Variants in ENTPD1 observed in about 807,000 individuals in gnomAD.
ENTPD1 encodes ATP diphosphohydrolase.
A neutral mutation model predicts 57.0 loss-of-function variants in ENTPD1; 33 were observed. The observed-to-expected ratio is 0.58, with a 90% CI of 0.44 to 0.77. ENTPD1 has a LOEUF of 0.77. ENTPD1 is among the 30% of genes least tolerant of loss of function. ENTPD1 has a pLI of 0.00. For missense variants in ENTPD1, 501 were observed against 603.4 expected (o/e 0.83, Z 1.78); for synonymous variants, 202 against 218.8 (o/e 0.92, Z 0.68).
chr10:95,872,028 G>A lies in ENTPD1; in HGVS notation c.*5645G>A, dbSNP rs2098481034. ...TGATTAATGCCACCCCTGCCTCAAT[G>A]AACCAAGATCAGCTCCATCACTGGG... On this transcript the variant is annotated 3_prime_UTR_variant, in exon 10 of 10. Coordinates refer to ENST00000371205, the MANE Select transcript of ENTPD1 (RefSeq NM_001776.6). 1.0e-6 allele frequency: 1 copy of A among 985,242 alleles called. No homozygotes were observed. The highest frequency in any genetic ancestry group is 1.7e-5 in the African/African-American group (1 of 57,206). 61.0% of individuals were successfully genotyped at this position (985,242 alleles called of 1,614,324 possible).
chr10:95,853,690 C>T (rs1025041970), intron 7 of ENTPD1, among the ~76,000 whole-genome samples: 11 of 152,164 alleles, frequency 7.2e-5, no homozygotes, highest in Admixed American at 2.0e-4. Flanking sequence ...TTGAGATAAT[C>T]ATGTGGCTTT....
intron 1 of ENTPD1, among the ~76,000 whole-genome samples, chr10:95,804,712 T>C (rs907929591): frequency 6.6e-6 from 1 of 152,228 alleles, no homozygotes; most frequent in Admixed American, 6.5e-5. Flanking sequence ...CTTCCAACAC[T>C]ATGTTGAATA....
intron 1 of ENTPD1, among the ~76,000 whole-genome samples, chr10:95,774,770 T>C (rs369962748): frequency 2.0e-5 from 3 of 152,266 alleles, no homozygotes; most frequent in South Asian, 2.1e-4. Context: ...AGTGTGATGC[T>C]TCCAGCTTTG....
intron 1 of ENTPD1, among the ~76,000 whole-genome samples, chr10:95,784,539 C>T (rs1566144315): frequency 6.6e-6 from 1 of 152,150 alleles, no homozygotes; most frequent in Non-Finnish European, 1.5e-5. Context: ...CACCCCAAGA[C>T]CTTGTGGACC....
intron 1 of ENTPD1, among the ~76,000 whole-genome samples, chr10:95,778,105 T>C (rs1589788775): frequency 6.6e-6 from 1 of 152,176 alleles, no homozygotes; most frequent in Non-Finnish European, 1.5e-5. Context: ...GCTTTCCAGG[T>C]GAGGTGATGT....
At chr10:95,747,219 A>T (rs565032216) in intron 1 of ENTPD1, among the ~76,000 whole-genome samples, 2 of 152,356 alleles carry the variant, frequency 1.3e-5, no homozygotes, top group African/African-American at 4.8e-5. Flanking sequence ...GACCATGAGC[A>T]TCATAATATT....
rs895402892 is a variant in ENTPD1 at position 95,867,207 on chromosome 10, A to C, written c.*824A>C. 1.0e-6 allele frequency: 1 copy of C among 982,282 alleles called. No homozygotes were observed. The highest frequency in any genetic ancestry group is 1.2e-6 in the Non-Finnish European group (1 of 826,996). The allele number at this position is 982,282 out of a possible 1,614,324, so 60.8% of individuals were successfully genotyped here. Reference sequence around the variant, plus strand: ...GCATCTTCCAATGCATATTTTTATTATGGTAAAATATACATAAATATAATT... The same window carrying C: ...GCATCTTCCAATGCATATTTTTATTCTGGTAAAATATACATAAATATAATT... On this transcript the variant is annotated 3_prime_UTR_variant, in exon 10 of 10. Coordinates refer to ENST00000371205, the MANE Select transcript of ENTPD1 (RefSeq NM_001776.6).
At chr10:95,792,009 C>T (rs532913402) in intron 1 of ENTPD1, among the ~76,000 whole-genome samples, 1 of 151,886 alleles carries the variant, frequency 6.6e-6, no homozygotes, top group Admixed American at 6.6e-5. Context: ...TTAAGAGAGA[C>T]TAAAAGTGCC....
the ENTPD1 span, among the ~76,000 whole-genome samples, chr10:95,701,645 A>T: frequency 2.0e-5 from 3 of 152,196 alleles, no homozygotes; most frequent in Non-Finnish European, 4.4e-5. Context: ...TTTCAATCAT[A>T]CTTGGAGCAT....
At chr10:95,736,339 A>G (rs1017543104) in intron 1 of ENTPD1, among the ~76,000 whole-genome samples, 4 of 152,144 alleles carry the variant, frequency 2.6e-5, no homozygotes, top group Non-Finnish European at 4.4e-5. Context: ...TGTGTGACCA[A>G]TTCGTGTGCT....
At chr10:95,774,433 A>G (rs1040140545) in intron 1 of ENTPD1, among the ~76,000 whole-genome samples, 2 of 152,168 alleles carry the variant, frequency 1.3e-5, no homozygotes, top group Non-Finnish European at 2.9e-5. Flanking sequence ...GGCATTGCCT[A>G]GGTTTTCTTC....
upstream of ENTPD1, chr10:95,755,834 G>C: frequency 6.6e-7 from 1 of 1,512,646 alleles, no homozygotes; most frequent in Non-Finnish European, 8.9e-7. Flanking sequence ...TTGCAGCTGA[G>C]ATGACTTTTT....
At chr10:95,784,486 G>A (rs555966587) in intron 1 of ENTPD1, among the ~76,000 whole-genome samples, 2 of 152,220 alleles carry the variant, frequency 1.3e-5, no homozygotes, top group African/African-American at 4.8e-5. Flanking sequence ...TAACTGTAGA[G>A]TGTGAAGGCC....
chr10:95,795,595 A>G (rs756119808), intron 1 of ENTPD1, among the ~76,000 whole-genome samples: 9 of 152,168 alleles, frequency 5.9e-5, no homozygotes, highest in Non-Finnish European at 1.0e-4. Context: ...ATTTTTTCAT[A>G]CAGAGCTCAC....
At chr10:95,784,105 T>C (rs2083126947) in intron 1 of ENTPD1, among the ~76,000 whole-genome samples, 1 of 149,714 alleles carries the variant, frequency 6.7e-6, no homozygotes, top group African/African-American at 2.4e-5. Flanking sequence ...GCTTGTTCTT[T>C]TTTTTTTTTT....
intron 1 of ENTPD1, among the ~76,000 whole-genome samples, chr10:95,728,020 A>C (rs2139843139): frequency 6.6e-6 from 1 of 152,342 alleles, no homozygotes; most frequent in Admixed American, 6.5e-5. Flanking sequence ...TTGTAGTTTT[A>C]GTTATTACAA....
chr10:95,847,478 C>T lies in ENTPD1; in HGVS notation c.846C>T (p.Cys282=). ...GTAATGAAATTCTCAGGGACCCATG[C>T]TTTCATCCTGGATATAAGAAGGTAG... ...VASNEILRDP[C]FHPGYKKVVN... The change falls in exon 7 of 10, where the codon TGC becomes TGT. Residue 282 remains cysteine (C), a synonymous_variant. Coordinates refer to ENST00000371205, the MANE Select transcript of ENTPD1 (RefSeq NM_001776.6). 4 of 1,614,138 alleles carry T rather than the reference C, an allele frequency of 2.5e-6. No homozygotes were observed. Among genetic ancestry groups the T allele is most frequent in the Non-Finnish European group, 3.4e-6 (4 of 1,180,016 alleles).
At chr10:95,699,284 C>G in the ENTPD1 span, among the ~76,000 whole-genome samples, 49 of 152,162 alleles carry the variant, frequency 3.2e-4, no homozygotes, top group Admixed American at 1.2e-3. Flanking sequence ...AGAGAGGAAT[C>G]AACTAGGAAT....
At chr10:95,750,645 A>G (rs1397951628) in intron 1 of ENTPD1, among the ~76,000 whole-genome samples, 1 of 152,202 alleles carries the variant, frequency 6.6e-6, no homozygotes, top group Non-Finnish European at 1.5e-5. Flanking sequence ...ACAGGGGACC[A>G]GATATTTGAG....
Sources: allele counts gnomAD v4.1 joint callset (sites outside exome capture counted in the v4.1 genomes callset), GRCh38; gene constraint gnomAD v4.1.1; transcripts MANE v1.5; gene names NCBI Gene and HGNC (gene_info 2026-07-23, HGNC 2026-07-21).